The following LRFN5 variants were observed in gnomAD, a reference collection of about 807,000 sequenced individuals.
LRFN5 encodes the protein leucine rich repeat and fibronectin type III domain containing 5, also known as leucine-rich repeat and fibronectin type-III domain-containing protein 5.
LRFN5 carries 24 observed loss-of-function variants against 45.6 expected under a neutral mutation model. That is an observed-to-expected ratio of 0.53 (90% CI 0.38 to 0.74). The LOEUF (loss-of-function observed/expected upper bound fraction) is 0.74, where lower values mean the gene tolerates loss of function less well. Among genes scored for constraint, LRFN5 ranks in the 30% least tolerant of loss-of-function variants. The pLI is 0.00. For synonymous variants in LRFN5, 340 were observed against 313.8 expected, an observed-to-expected ratio of 1.08 and a Z score of -0.88; for missense variants, 776 against 861.5, an observed-to-expected ratio of 0.90 and a Z score of 1.24.
intron 1 of LRFN5, among the ~76,000 whole-genome samples, chr14:41,674,126 T>C (rs1881437545): frequency 7.6e-6 from 1 of 131,392 alleles, no homozygotes; most frequent in Non-Finnish European, 1.6e-5. Flanking sequence ...GCAGAGGGGC[T>C]CCTCACTTCC....
At chr14:41,879,370 A>G (rs1182479253) in intron 2 of LRFN5, among the ~76,000 whole-genome samples, 1 of 151,928 alleles carries the variant, frequency 6.6e-6, no homozygotes, top group African/African-American at 2.4e-5. Context: ...AAAAAAATTA[A>G]TCACCTACTC....
intron 1 of LRFN5, among the ~76,000 whole-genome samples, chr14:41,667,197 C>T (rs761125188): frequency 6.6e-6 from 1 of 152,118 alleles, no homozygotes; most frequent in Non-Finnish European, 1.5e-5. Flanking sequence ...ATGTTTATGG[C>T]TTCAATTTGT....
At chr14:41,632,781 A>C (rs1043571549) in intron 1 of LRFN5, among the ~76,000 whole-genome samples, 1 of 152,168 alleles carries the variant, frequency 6.6e-6, no homozygotes, top group African/African-American at 2.4e-5. Context: ...TGGTAGAATA[A>C]TAAATAATAT....
rs200517930 is a variant in LRFN5 at position 41,607,524 on chromosome 14, C to CGTGT, written c.-1227_-1224dup. On this transcript the variant is annotated 5_prime_UTR_variant, in exon 1 of 6. Coordinates refer to ENST00000298119, the MANE Select transcript of LRFN5 (RefSeq NM_152447.5). ...TTGTAAGCCGCTTTCCAGCTAGCTG[C>CGTGT]GTGTGTGTGTGCGCGCGCGTGTGTA... The CGTGT allele has an allele frequency of 6.6e-6, 1 of 151,994 alleles. No individual in the cohort carries two copies. Among genetic ancestry groups the CGTGT allele is most frequent in the African/African-American group, 2.4e-5 (1 of 41,360 alleles). The allele number at this position is 151,994 out of a possible 1,614,324, so 9.4% of individuals were successfully genotyped here. A position where few individuals can be genotyped will look rare whatever the true frequency, so the allele number is the denominator to read the frequency against.
At chr14:41,694,050 C>T (rs978237698) in intron 1 of LRFN5, among the ~76,000 whole-genome samples, 1 of 151,786 alleles carries the variant, frequency 6.6e-6, no homozygotes. Context: ...TTATTAATAC[C>T]ATGAAATATA....
At chr14:41,785,791 T>C (rs915823657) in intron 2 of LRFN5, among the ~76,000 whole-genome samples, 88 of 152,178 alleles carry the variant, frequency 5.8e-4, no homozygotes, top group African/African-American at 2.0e-3. Flanking sequence ...GGCATTAGAT[T>C]TGTATAAAAG....
intron 1 of LRFN5, among the ~76,000 whole-genome samples, chr14:41,725,730 C>T (rs550077958): frequency 6.6e-6 from 1 of 152,236 alleles, no homozygotes; most frequent in African/African-American, 2.4e-5. Flanking sequence ...TCCACTGAAC[C>T]AGATTGCTTT....
In LRFN5 at chr14:41,802,133, CA is replaced by C. The variant is rs1318104489; in HGVS notation, c.-21+35105del. Among the ~76,000 whole-genome samples, 5 of 152,198 alleles carry C rather than the reference CA, an allele frequency of 3.3e-5. No individual in the cohort carries two copies. In the East Asian group the frequency reaches 9.7e-4, roughly 29 times the overall value. On this transcript the variant is annotated intron_variant, in intron 2 of 5. Coordinates refer to ENST00000298119, the MANE Select transcript of LRFN5 (RefSeq NM_152447.5). ...TGGCAACAGTCAGCCTTAATATTGT[CA>C]GAGAAAACCAGAGCTGGACAAAAGT...
intron 1 of LRFN5, among the ~76,000 whole-genome samples, chr14:41,655,728 A>T (rs1880349332): frequency 6.6e-6 from 1 of 151,988 alleles, no homozygotes; most frequent in African/African-American, 2.4e-5. Context: ...TGATGTAGGC[A>T]GTGGGAGGTG....
chr14:41,768,592 A>G (rs545550462), intron 2 of LRFN5, among the ~76,000 whole-genome samples: 44 of 152,264 alleles, frequency 2.9e-4, no homozygotes, highest in African/African-American at 9.6e-4. Flanking sequence ...CATGTGCTTA[A>G]GGAGACAGAG....
intron 1 of LRFN5, among the ~76,000 whole-genome samples, chr14:41,670,215 G>GTGTATGTGTGTA (rs1555352823): frequency 8.8e-6 from 1 of 113,396 alleles, no homozygotes; most frequent in African/African-American, 3.3e-5. Flanking sequence ...GTGTGTGTGT[G>GTGTATGTGTGTA]TATATATATG....
At chr14:41,756,564 G>C (rs1051481318) in intron 1 of LRFN5, among the ~76,000 whole-genome samples, 1 of 152,114 alleles carries the variant, frequency 6.6e-6, no homozygotes, top group Non-Finnish European at 1.5e-5. Flanking sequence ...ACTGAGGCTT[G>C]TGCATTGGTC....
chr14:41,735,895 G>A (rs1030600885), intron 1 of LRFN5, among the ~76,000 whole-genome samples: 3 of 152,006 alleles, frequency 2.0e-5, no homozygotes, highest in African/African-American at 7.3e-5. Flanking sequence ...TGAGAATGAT[G>A]GTTTCCAGCT....
At chr14:41,789,024 T>G (rs1186010801) in intron 2 of LRFN5, among the ~76,000 whole-genome samples, 1 of 152,016 alleles carries the variant, frequency 6.6e-6, no homozygotes, top group South Asian at 2.1e-4. Flanking sequence ...AATTTCCTAC[T>G]AAACTCATTT....
rs201425217 is a variant in LRFN5, at chr14:41,898,785, T to TA, written c.2099-124dup. The TA allele has an allele frequency of 3.0e-3, 2,510 of 845,086 alleles. 40 individuals carry two copies. In the African/African-American group the frequency reaches 0.039, roughly 13 times the overall value. The allele number at this position is 845,086 out of a possible 1,614,324, so 52.3% of individuals were successfully genotyped here. On this transcript the variant is annotated intron_variant, in intron 4 of 5. Transcript: ENST00000298119. ...TTAACCCATGAACTGGTAAGTTTTT[T>TA]AAAAAAAATCTTTAGATAAATCTTT...
intron 2 of LRFN5, among the ~76,000 whole-genome samples, chr14:41,862,652 A>G (rs1013919449): frequency 2.6e-5 from 4 of 152,212 alleles, no homozygotes; most frequent in African/African-American, 9.6e-5. Flanking sequence ...TGTGCAAATT[A>G]CAGACAGAGT....
intron 3 of LRFN5, among the ~76,000 whole-genome samples, chr14:41,890,047 A>G (rs1307828452): frequency 6.6e-6 from 1 of 152,048 alleles, no homozygotes; most frequent in East Asian, 1.9e-4. Context: ...TATTTTTATT[A>G]GAGACGGTGT....
chr14:41,851,242 A>G lies in LRFN5; in HGVS notation c.-20-35364A>G, dbSNP rs145454840. On this transcript the variant is annotated intron_variant, in intron 2 of 5. Transcript: ENST00000298119. ...ACACATGCTATGTATATTACATAAA[A>G]CAATGAAACTAGAAAACAATTCTTG... Among the ~76,000 whole-genome samples, 542 of 151,500 alleles carry G rather than the reference A, an allele frequency of 3.6e-3. 2 individuals are homozygous for G. The highest frequency in any genetic ancestry group is 0.01 in the Middle Eastern group (3 of 294).
In LRFN5 at chr14:41,898,910, T is replaced by C; in HGVS notation, c.2099-7T>C. On this transcript the variant is annotated splice_polypyrimidine_tract_variant and splice_region_variant and intron_variant, in intron 4 of 5. Coordinates refer to ENST00000298119, the MANE Select transcript of LRFN5 (RefSeq NM_152447.5). ...ATTGTTTATGACACTGAACATTTTA[T>C]TCCCAGATGCTTTGCTGACTAATGT... 6.2e-7 allele frequency: 1 copy of C among 1,609,458 alleles called. No homozygotes were observed. The highest frequency in any genetic ancestry group is 1.3e-5 in the African/African-American group (1 of 74,886).
Sources: gnomAD v4.1 joint callset for allele counts (sites outside exome capture counted in the v4.1 genomes callset) on GRCh38, gnomAD v4.1.1 for gene constraint, MANE v1.5 for transcripts, NCBI Gene and HGNC (gene_info 2026-07-23, HGNC 2026-07-21) for gene names.